CDKL3: variants seen among roughly 807,000 people sequenced by gnomAD.
CDKL3 encodes the protein cyclin dependent kinase like 3, also known as cyclin-dependent kinase-like 3.
A neutral mutation model predicts 69.3 loss-of-function variants in CDKL3; 65 were observed. The observed-to-expected ratio is 0.94, with a 90% confidence interval of 0.77 to 1.15. CDKL3 has a LOEUF of 1.15. Ranked by LOEUF, CDKL3 falls within the 50% of genes most tolerant of loss-of-function variation. The pLI is 0.00. For missense variants in CDKL3, 652 were observed against 689.2 expected (o/e 0.95, Z 0.61); for synonymous variants, 202 against 221.6 (o/e 0.91, Z 0.79).
chr5:134,345,892 TAAC>T (rs1751737371), intron 4 of CDKL3, among the ~76,000 whole-genome samples: 1 of 152,116 alleles, frequency 6.6e-6, no homozygotes, highest in African/African-American at 2.4e-5. Flanking sequence ...TCAGTAATAA[TAAC>T]AATTGTGTCC....
At chr5:134,348,673 G>C (rs2077131365) in intron 4 of CDKL3, among the ~76,000 whole-genome samples, 1 of 152,158 alleles carries the variant, frequency 6.6e-6, no homozygotes, top group South Asian at 2.1e-4. Flanking sequence ...AACTAGGATT[G>C]GGGGGCTAGG....
In CDKL3 at chr5:134,306,674, T is replaced by A. The variant is rs1414096273; in HGVS notation, c.1393A>T (p.Thr465Ser). ...RLTERAKKRRTSSQSIGQVMP... is the reference protein window; with the variant it reads ...RLTERAKKRRSSSQSIGQVMP... ...ACTTGTCCAATAGATTGTGAAGAAGTGCGTCTCTTTTTTGCTCTTTCAGTT... is the reference window on the plus strand; with the variant it reads ...ACTTGTCCAATAGATTGTGAAGAAGAGCGTCTCTTTTTTGCTCTTTCAGTT... The change falls in exon 10 of 13, where the codon ACT (threonine) becomes TCT (serine). Residue 465 changes from threonine to serine, a missense_variant. Coordinates refer to ENST00000265334, the MANE Select transcript of CDKL3 (RefSeq NM_001113575.2). 26 of 1,573,060 alleles carry A rather than the reference T, an allele frequency of 1.7e-5. No homozygotes were observed. Among genetic ancestry groups the A allele is most frequent in the Non-Finnish European group, 2.2e-5 (26 of 1,166,436 alleles).
At chr5:134,291,097 T>C (rs1194814193) in intron 8 of CDKL3, among the ~76,000 whole-genome samples, 4 of 152,196 alleles carry the variant, frequency 2.6e-5, no homozygotes. Context: ...GATTTTTCTC[T>C]TGAGCAATTA....
chr5:134,326,848 TATATATATATATATATATAC>T (rs1210222833), intron 4 of CDKL3, among the ~76,000 whole-genome samples: 2,237 of 108,454 alleles, frequency 0.021, 70 homozygotes, highest in African/African-American at 0.061. Flanking sequence ...TATATATATA[TATATATATATATATATATAC>T]ACACACACAC....
intron 6 of CDKL3, among the ~76,000 whole-genome samples, chr5:134,315,779 G>C (rs1770899004): frequency 6.6e-6 from 1 of 152,100 alleles, no homozygotes; most frequent in Non-Finnish European, 1.5e-5. Flanking sequence ...TCGAGCTCAG[G>C]AGTTCAAGAC....
chr5:134,297,289 G>A (rs531425575), downstream of CDKL3, among the ~76,000 whole-genome samples: 72 of 152,186 alleles, frequency 4.7e-4, no homozygotes, highest in African/African-American at 1.6e-3. Flanking sequence ...AATTTAGAAA[G>A]TTGTCATGCA....
chr5:134,310,138 G>A (rs1267477703), intron 7 of CDKL3, among the ~76,000 whole-genome samples: 1 of 151,148 alleles, frequency 6.6e-6, no homozygotes, highest in Non-Finnish European at 1.5e-5. Context: ...GCCAATAACT[G>A]CCACTTTTTA....
At position 134,320,975 on chromosome 5, in the gene CDKL3, T is replaced by A. The variant is rs992171693; in HGVS notation, c.652+816A>T. Among the ~76,000 whole-genome samples the A allele has an allele frequency of 1.9e-4, 28 of 150,326 alleles. No individual in the cohort carries two copies. The Middle Eastern group carries it at 0.018, about 95-fold the overall frequency. ...ATGTTTTGGTGGCCAAAGCAGATCA[T>A]CAAATAATTAAACTCTCATCAAACA... On this transcript the variant is annotated intron_variant, in intron 5 of 12. Transcript: ENST00000265334.
intron 6 of CDKL3, among the ~76,000 whole-genome samples, chr5:134,314,676 A>G (rs1770529983): frequency 1.3e-5 from 2 of 152,242 alleles, no homozygotes; most frequent in Non-Finnish European, 2.9e-5. Flanking sequence ...CTAAACCATT[A>G]TGCTGAGTGG....
intron 4 of CDKL3, among the ~76,000 whole-genome samples, chr5:134,332,349 T>C (rs1000270961): frequency 1.4e-4 from 21 of 152,232 alleles, no homozygotes; most frequent in African/African-American, 5.1e-4. Context: ...TTTGGTGTTT[T>C]AGTCATGAAG....
At chr5:134,317,675 C>T (rs1771530909) in intron 6 of CDKL3, among the ~76,000 whole-genome samples, 1 of 151,826 alleles carries the variant, frequency 6.6e-6, no homozygotes, top group African/African-American at 2.4e-5. Flanking sequence ...GTGTGTAATC[C>T]CAACACTTTG....
intron 3 of CDKL3, among the ~76,000 whole-genome samples, chr5:134,354,841 C>T (rs1271064662): frequency 2.0e-5 from 3 of 151,616 alleles, no homozygotes; most frequent in Admixed American, 6.6e-5. Context: ...CAGCTACTCA[C>T]GAGGCTGAGG....
intron 4 of CDKL3, among the ~76,000 whole-genome samples, chr5:134,327,732 T>C (rs1489005954): frequency 6.6e-6 from 1 of 152,164 alleles, no homozygotes; most frequent in Non-Finnish European, 1.5e-5. Flanking sequence ...CACAATTTGA[T>C]TGGAACAGTT....
intron 10 of CDKL3, 74 bp from the exon 11 acceptor site, chr5:134,304,641 G>T: frequency 1.6e-6 from 2 of 1,242,844 alleles, no homozygotes; most frequent in Non-Finnish European, 1.1e-6. Context: ...AGAATTGCTA[G>T]CCATTTGGAT....
intron 12 of CDKL3, among the ~76,000 whole-genome samples, chr5:134,298,967 G>A (rs1044961408): frequency 1.3e-5 from 2 of 151,916 alleles, no homozygotes; most frequent in African/African-American, 2.4e-5. Context: ...TCCGCCTCCC[G>A]GGTTCAAGCA....
intron 4 of CDKL3, among the ~76,000 whole-genome samples, chr5:134,339,645 A>G (rs554109457): frequency 4.1e-4 from 62 of 152,358 alleles, no homozygotes; most frequent in African/African-American, 1.5e-3. Flanking sequence ...CACATGGAAC[A>G]TTCTCCAGGA....
intron 4 of CDKL3, among the ~76,000 whole-genome samples, chr5:134,331,713 T>G (rs566320401): frequency 6.6e-6 from 1 of 152,204 alleles, no homozygotes; most frequent in Admixed American, 6.5e-5. Flanking sequence ...TGATGGACAT[T>G]TGGGTTGGTT....
intron 4 of CDKL3, among the ~76,000 whole-genome samples, chr5:134,328,153 T>C (rs1393482222): frequency 6.6e-6 from 1 of 152,086 alleles, no homozygotes; most frequent in Non-Finnish European, 1.5e-5. Context: ...CCAGAAAAAC[T>C]GCAGGCAACC....
intron 4 of CDKL3, among the ~76,000 whole-genome samples, chr5:134,331,110 AT>A (rs1248445414): frequency 6.6e-6 from 1 of 152,156 alleles, no homozygotes; most frequent in Admixed American, 6.5e-5. Flanking sequence ...TGCAGTCAGA[AT>A]TGTGTAAGCT....
Sources: allele counts gnomAD v4.1 joint callset (sites outside exome capture counted in the v4.1 genomes callset), GRCh38; gene constraint gnomAD v4.1.1; transcripts MANE v1.5; gene names NCBI Gene and HGNC (gene_info 2026-07-23, HGNC 2026-07-21).